The following CPNE4 variants were observed in gnomAD, a reference collection of about 807,000 sequenced individuals.
The protein encoded by CPNE4 is copine-4.
In CPNE4, 25 loss-of-function variants were observed where a neutral mutation model predicts 67.9. The ratio of observed to expected loss-of-function variants is 0.37; its 90% CI spans 0.27 to 0.51. CPNE4 has a LOEUF of 0.51. CPNE4 is among the 20% of genes least tolerant of loss of function. CPNE4 has a pLI of 0.93. For synonymous variants in CPNE4, 242 were observed against 244.9 expected (o/e 0.99, Z 0.11); for missense variants, 464 against 690.8 (o/e 0.67, Z 3.68).
At chr3:131,937,052 C>T (rs145944518) in intron 1 of CPNE4, among the ~76,000 whole-genome samples, 2,237 of 151,730 alleles carry the variant, frequency 0.015, 28 homozygotes, top group Non-Finnish European at 0.023. Flanking sequence ...AAAGAAGAAC[C>T]AACCTATGCA....
chr3:131,998,429 A>C (rs1226211473), intron 1 of CPNE4, among the ~76,000 whole-genome samples: 3 of 152,162 alleles, frequency 2.0e-5, no homozygotes, highest in Admixed American at 2.0e-4. Flanking sequence ...CAGTCTGTTC[A>C]CACGAGCTTA....
intron 6 of CPNE4, among the ~76,000 whole-genome samples, chr3:131,685,601 G>A (rs1052882990): frequency 3.9e-5 from 6 of 152,092 alleles, no homozygotes; most frequent in Admixed American, 1.3e-4. Flanking sequence ...GGCCAAGATG[G>A]TGAAACCCCA....
chr3:131,987,743 G>T (rs906676441), intron 1 of CPNE4, among the ~76,000 whole-genome samples: 2 of 152,050 alleles, frequency 1.3e-5, no homozygotes, highest in African/African-American at 4.8e-5. Flanking sequence ...AGTGAAACTG[G>T]GGGAAAAATG....
chr3:131,989,749 G>A lies in CPNE4; in HGVS notation c.-2+44818C>T, dbSNP rs2073134517. ...AATCCAAATTTTACGGGTGGAGAAAGCATGTCCAGTCCAAGATAACACCAT... is the reference window on the plus strand; with the variant it reads ...AATCCAAATTTTACGGGTGGAGAAAACATGTCCAGTCCAAGATAACACCAT... On this transcript the variant is annotated intron_variant, in intron 1 of 15. Transcript: ENST00000429747. Among the ~76,000 whole-genome samples the A allele has an allele frequency of 1.5e-5, 2 of 136,540 alleles. 1 individual carries two copies. The allele number at this position is 136,540 out of a possible 152,430, so 89.6% of individuals were successfully genotyped here. A position where few individuals can be genotyped will look rare whatever the true frequency, so the allele number is the denominator to read the frequency against.
At chr3:131,745,623 T>C (rs893386743) in intron 2 of CPNE4, among the ~76,000 whole-genome samples, 1 of 152,148 alleles carries the variant, frequency 6.6e-6, no homozygotes, top group African/African-American at 2.4e-5. Flanking sequence ...TCAAGGTTTT[T>C]CTTTGTCTAT....
intron 3 of CPNE4, among the ~76,000 whole-genome samples, chr3:131,717,891 TTTC>T (rs1178406229): frequency 0.15 from 11,138 of 74,884 alleles, 1,162 homozygotes; most frequent in Middle Eastern, 0.24. Context: ...TCTTTCTTTC[TTTC>T]TTTCTTTCTT....
chr3:131,881,624 C>A, intron 2 of CPNE4, among the ~76,000 whole-genome samples: 1 of 151,972 alleles, frequency 6.6e-6, no homozygotes, highest in East Asian at 1.9e-4. Flanking sequence ...AGGTATTAAA[C>A]TCTTTTGCTT....
At chr3:131,834,603 A>G (rs916942322) in intron 2 of CPNE4, among the ~76,000 whole-genome samples, 1 of 152,166 alleles carries the variant, frequency 6.6e-6, no homozygotes, top group Middle Eastern at 3.2e-3. Context: ...AGTTACCACA[A>G]CTTTTCACAA....
At chr3:131,642,413 T>C (rs1241301921) in intron 7 of CPNE4, among the ~76,000 whole-genome samples, 1 of 152,216 alleles carries the variant, frequency 6.6e-6, no homozygotes, top group African/African-American at 2.4e-5. Flanking sequence ...ACACTTCTGC[T>C]AATTTAAGTA....
intron 2 of CPNE4, among the ~76,000 whole-genome samples, chr3:131,869,415 A>G (rs973669573): frequency 6.6e-6 from 1 of 152,176 alleles, no homozygotes; most frequent in Non-Finnish European, 1.5e-5. Flanking sequence ...AATATTTCTA[A>G]CAGTAATACT....
chr3:131,928,213 T>C (rs928033764), intron 1 of CPNE4, among the ~76,000 whole-genome samples: 2 of 152,002 alleles, frequency 1.3e-5, no homozygotes, highest in Non-Finnish European at 2.9e-5. Context: ...GATATCGCTG[T>C]TCAAAATCCA....
At chr3:131,983,577 T>C (rs1003475708) in intron 1 of CPNE4, among the ~76,000 whole-genome samples, 16 of 152,174 alleles carry the variant, frequency 1.1e-4, no homozygotes, top group South Asian at 2.1e-4. Context: ...CAATACTTTG[T>C]ATAAGGGTAT....
intron 7 of CPNE4, among the ~76,000 whole-genome samples, chr3:131,657,898 T>C (rs2080020117): frequency 6.6e-6 from 1 of 152,106 alleles, no homozygotes; most frequent in Non-Finnish European, 1.5e-5. Context: ...AGCACCTTAT[T>C]AACTTAATCA....
At chr3:131,811,127 A>G (rs2084508927) in intron 2 of CPNE4, among the ~76,000 whole-genome samples, 5 of 152,070 alleles carry the variant, frequency 3.3e-5, no homozygotes, top group Admixed American at 3.3e-4. Context: ...AGCTAACAAT[A>G]CTGTATTATA....
At position 131,593,003 on chromosome 3, in the gene CPNE4, T is replaced by C. The variant is rs554115244; in HGVS notation, c.682-5421A>G. The stretch of plus-strand genomic sequence containing the variant: ...AAAGAAATGTGCTATGCCAACTTAT[T>C]GTACACTAGCTTTTTGTGATGGTCA... On this transcript the variant is annotated intron_variant, in intron 7 of 15. Transcript: ENST00000429747. 3.3e-5 allele frequency among the ~76,000 whole-genome samples: 5 copies of C among 152,362 alleles called. No individual in the cohort carries two copies. In the South Asian group the frequency reaches 8.3e-4, roughly 25 times the overall value.
chr3:131,870,276 T>C (rs555208043), intron 2 of CPNE4, among the ~76,000 whole-genome samples: 1 of 152,332 alleles, frequency 6.6e-6, no homozygotes, highest in South Asian at 2.1e-4. Context: ...ACTCAGCATC[T>C]AATTTTTGCC....
chr3:131,743,383 G>T (rs1332479569), intron 2 of CPNE4, among the ~76,000 whole-genome samples: 1 of 152,084 alleles, frequency 6.6e-6, no homozygotes, highest in East Asian at 1.9e-4. Flanking sequence ...GCTGCTCCAG[G>T]CCACACAGAA....
At chr3:131,838,784 T>C (rs2085657319) in intron 2 of CPNE4, among the ~76,000 whole-genome samples, 1 of 151,774 alleles carries the variant, frequency 6.6e-6, no homozygotes, top group African/African-American at 2.4e-5. Context: ...ATACCTTCAG[T>C]AAATTCTAGT....
chr3:131,549,849 G>T, intron 14 of CPNE4, 98 bp downstream of exon 14: 1 of 1,349,526 alleles, frequency 7.4e-7, no homozygotes, highest in Non-Finnish European at 1.0e-6. Context: ...ACAGGGAGAA[G>T]TGTTGGAATT....
Sources: gnomAD v4.1 joint callset for allele counts (sites outside exome capture counted in the v4.1 genomes callset) on GRCh38, gnomAD v4.1.1 for gene constraint, MANE v1.5 for transcripts, NCBI Gene and HGNC (gene_info 2026-07-23, HGNC 2026-07-21) for gene names.